Variants in PLXDC2 observed in about 807,000 individuals in gnomAD.
PLXDC2 encodes plexin domain containing 2, also known as plexin domain-containing protein 2.
In PLXDC2, 40 loss-of-function variants were observed where a neutral mutation model predicts 68.9. The ratio of observed to expected loss-of-function variants is 0.58; its 90% CI spans 0.45 to 0.76. The LOEUF is 0.76. Among genes scored for constraint, PLXDC2 ranks in the 30% least tolerant of loss-of-function variants. PLXDC2 has a pLI of 0.00. For missense variants in PLXDC2, 644 were observed against 661.9 expected (o/e 0.97, Z 0.30); for synonymous variants, 243 against 234.2 (o/e 1.04, Z -0.34).
intron 2 of PLXDC2, among the ~76,000 whole-genome samples, chr10:20,020,018 T>C (rs1181395776): frequency 6.6e-6 from 1 of 150,514 alleles, no homozygotes; most frequent in Non-Finnish European, 1.5e-5. Context: ...TTTCTTGCTT[T>C]TTTTTTTATT....
Position 19,988,777 on chromosome 10 carries a change from T to TG in PLXDC2, c.113-12998_113-12997insG, listed in dbSNP as rs1491397038. On this transcript the variant is annotated intron_variant, in intron 1 of 13. Coordinates refer to ENST00000377252, the MANE Select transcript of PLXDC2 (RefSeq NM_032812.9). Reference sequence around the variant, plus strand: ...GTTAGGGTTAAGTTAATAATGCCACTTTTTTTTTTTTTTTTTTTTTTTTTT... The same window carrying TG: ...GTTAGGGTTAAGTTAATAATGCCACTGTTTTTTTTTTTTTTTTTTTTTTTTT... Among the ~76,000 whole-genome samples, 7 of 9,804 alleles carry TG rather than the reference T, an allele frequency of 7.1e-4. No individual in the cohort carries two copies. The South Asian group carries it at 0.022, about 31-fold the overall frequency. 6.4% of individuals were successfully genotyped at this position (9,804 alleles called of 152,430 possible).
At chr10:20,247,582 C>T (rs1301088704) in intron 13 of PLXDC2, among the ~76,000 whole-genome samples, 1 of 152,124 alleles carries the variant, frequency 6.6e-6, no homozygotes, top group Non-Finnish European at 1.5e-5. Flanking sequence ...ATCTTCCTGC[C>T]TCGGCAGCTG....
rs1175526348 is a variant in PLXDC2 at position 20,238,662 on chromosome 10, A to AAAATAT, written c.1313-6682_1313-6681insAATATA. ...CAGAGAAAGACTCCATCTCAAAAAA[A>AAAATAT]ATATATATATATATGTATATATATA... On this transcript the variant is annotated intron_variant, in intron 12 of 13. Coordinates refer to ENST00000377252, the MANE Select transcript of PLXDC2 (RefSeq NM_032812.9). Among the ~76,000 whole-genome samples, 102 of 31,724 alleles carry AAAATAT rather than the reference A, an allele frequency of 3.2e-3. 1 individual carries two copies. The highest frequency in any genetic ancestry group is 3.3e-3 in the Non-Finnish European group (44 of 13,168). The allele number at this position is 31,724 out of a possible 152,430, so 20.8% of individuals were successfully genotyped here. A position where few individuals can be genotyped will look rare whatever the true frequency, so the allele number is the denominator to read the frequency against.
intron 4 of PLXDC2, among the ~76,000 whole-genome samples, chr10:20,140,385 A>AACAT (rs1473554931): frequency 1.1e-4 from 3 of 26,456 alleles, no homozygotes; most frequent in East Asian, 1.0e-3. Context: ...CCAGAAAAAT[A>AACAT]ACATATATAT....
At chr10:19,929,192 A>G (rs960200823) in intron 1 of PLXDC2, among the ~76,000 whole-genome samples, 3 of 151,920 alleles carry the variant, frequency 2.0e-5, no homozygotes, top group African/African-American at 7.2e-5. Context: ...CAGCCTGGCC[A>G]ATGTGGTGAA....
At chr10:19,999,702 G>A (rs1002252566) in intron 1 of PLXDC2, among the ~76,000 whole-genome samples, 1 of 152,132 alleles carries the variant, frequency 6.6e-6, no homozygotes, top group Admixed American at 6.6e-5. Flanking sequence ...GTGCTAGGAG[G>A]TCTTATCTGG....
intron 4 of PLXDC2, among the ~76,000 whole-genome samples, chr10:20,126,386 T>TTG (rs1336975031): frequency 8.5e-5 from 12 of 140,828 alleles, no homozygotes; most frequent in African/African-American, 3.1e-4. Context: ...TACATATGTG[T>TTG]TATATAATAC....
rs11498346 is a variant in PLXDC2, at chr10:20,131,518, G to A, written c.542-11777G>A. ...GAGTTCGAGCAATTCTCCTGTCTCA[G>A]CCTCCCGAGTAGCTGGAATTATGGG... On this transcript the variant is annotated intron_variant, in intron 4 of 13. Coordinates refer to ENST00000377252, the MANE Select transcript of PLXDC2 (RefSeq NM_032812.9). Among the ~76,000 whole-genome samples the A allele has an allele frequency of 7.8e-3, 1,191 of 152,134 alleles. 15 individuals carry two copies. The highest frequency in any genetic ancestry group is 0.027 in the African/African-American group (1,121 of 41,502).
chr10:20,228,285 G>T (rs982386162), intron 12 of PLXDC2, among the ~76,000 whole-genome samples: 2 of 152,128 alleles, frequency 1.3e-5, no homozygotes, highest in African/African-American at 4.8e-5. Context: ...GAGTGACTAG[G>T]CACGGTGGCT....
intron 1 of PLXDC2, among the ~76,000 whole-genome samples, chr10:19,935,400 TGGAAGAACC>T (rs1404309395): frequency 1.1e-4 from 16 of 152,176 alleles, no homozygotes; most frequent in African/African-American, 3.4e-4. Flanking sequence ...ACCTGGCCCA[TGGAAGAACC>T]CAAGGATGCA....
In PLXDC2 at chr10:19,996,396, A is replaced by G. The variant is rs1392230495; in HGVS notation, c.113-5379A>G. 3.3e-5 allele frequency among the ~76,000 whole-genome samples: 5 copies of G among 152,350 alleles called. No individual in the cohort carries two copies. In the East Asian group the frequency reaches 9.7e-4, roughly 29 times the overall value. On this transcript the variant is annotated intron_variant, in intron 1 of 13. Coordinates refer to ENST00000377252, the MANE Select transcript of PLXDC2 (RefSeq NM_032812.9). ...CAGGGGTTTGAGGCCAGCCTGGGCT[A>G]CAAAGTGAGACCCCATCTCTACAAA...
rs547538554 is a variant in PLXDC2 at position 20,184,131 on chromosome 10, G to A, written c.1061+6722G>A. 3.9e-3 allele frequency among the ~76,000 whole-genome samples: 589 copies of A among 151,854 alleles called. 2 individuals are homozygous for A. The highest frequency in any genetic ancestry group is 0.014 in the African/African-American group (569 of 41,490). On this transcript the variant is annotated intron_variant, in intron 9 of 13. Coordinates refer to ENST00000377252, the MANE Select transcript of PLXDC2 (RefSeq NM_032812.9). ...AAAAAATATGAGATGATGGAAAAAA[G>A]ATATTTCCTAACAACTTTTCTACAT... is the stretch of plus-strand genomic sequence containing the variant.
chr10:20,176,775 T>G (rs925432565), intron 7 of PLXDC2, among the ~76,000 whole-genome samples: 6 of 152,144 alleles, frequency 3.9e-5, no homozygotes, highest in African/African-American at 1.4e-4. Flanking sequence ...GTAAGTGAGA[T>G]ATCTGAGACC....
intron 1 of PLXDC2, among the ~76,000 whole-genome samples, chr10:19,924,490 G>T (rs891484813): frequency 2.0e-5 from 3 of 152,174 alleles, no homozygotes; most frequent in African/African-American, 7.2e-5. Context: ...CGAAGGCCTT[G>T]ATTCCTTGGC....
At chr10:20,068,658 CAT>C (rs903462970) in intron 4 of PLXDC2, among the ~76,000 whole-genome samples, 120 of 148,524 alleles carry the variant, frequency 8.1e-4, no homozygotes, top group Non-Finnish European at 8.0e-4. Context: ...CACTTACACA[CAT>C]ATATATATAC....
chr10:20,051,053 C>T (rs1589605606), intron 3 of PLXDC2, among the ~76,000 whole-genome samples: 1 of 151,930 alleles, frequency 6.6e-6, no homozygotes, highest in Non-Finnish European at 1.5e-5. Flanking sequence ...ACTATGCAGC[C>T]ATATAAAAAG....
intron 13 of PLXDC2, among the ~76,000 whole-genome samples, chr10:20,265,276 A>T (rs1168757326): frequency 1.3e-5 from 2 of 152,200 alleles, no homozygotes; most frequent in African/African-American, 4.8e-5. Context: ...AAATGACCAG[A>T]AAGACATCAT....
intron 4 of PLXDC2, 29 bp downstream of exon 4, chr10:20,068,268 A>ATGG: frequency 6.5e-7 from 1 of 1,547,560 alleles, no homozygotes; most frequent in Non-Finnish European, 8.9e-7. Flanking sequence ...ATTCACCTTA[A>ATGG]GTAATCTATG....
Position 20,046,961 on chromosome 10 carries a change from A to G in PLXDC2, c.417A>G (p.Glu139=). The G allele has an allele frequency of 3.1e-6, 5 of 1,612,694 alleles. No homozygotes were observed. The highest frequency in any genetic ancestry group is 1.3e-5 in the African/African-American group (1 of 75,002). ...TATGGGTGAACATAGACCAAATGGAAAAAGATAAAGTGAAGATTCATGGAA... is the reference window on the plus strand; with the variant it reads ...TATGGGTGAACATAGACCAAATGGAGAAAGATAAAGTGAAGATTCATGGAA... ...RDLWVNIDQM[E]KDKVKIHGIL... is the part of the protein sequence containing the mutation. The change falls in exon 3 of 14, where the codon GAA becomes GAG. Residue 139 remains glutamate, a synonymous_variant. Coordinates refer to ENST00000377252, the MANE Select transcript of PLXDC2 (RefSeq NM_032812.9).
Sources: allele counts gnomAD v4.1 joint callset (sites outside exome capture counted in the v4.1 genomes callset), GRCh38; gene constraint gnomAD v4.1.1; transcripts MANE v1.5; gene names NCBI Gene and HGNC (gene_info 2026-07-23, HGNC 2026-07-21).